RALGAPB: variants seen among roughly 807,000 people sequenced by gnomAD.
RALGAPB encodes the protein ral GTPase-activating protein subunit beta.
A neutral mutation model predicts 161.1 loss-of-function variants in RALGAPB; 25 were observed. The observed-to-expected ratio is 0.16, with a 90% CI of 0.11 to 0.22. RALGAPB has a LOEUF of 0.22. Among genes scored for constraint, RALGAPB ranks in the 10% least tolerant of loss-of-function variants. The pLI, the probability that RALGAPB is intolerant of heterozygous loss-of-function variation, is 1.00. For missense variants in RALGAPB, 1,391 were observed against 1,815.2 expected, an observed-to-expected ratio of 0.77 and a Z score of 4.25; for synonymous variants, 629 against 626.1, an observed-to-expected ratio of 1.00 and a Z score of -0.07.
chr20:38,528,020 G>C (rs1018742137), intron 13 of RALGAPB, among the ~76,000 whole-genome samples: 8 of 152,172 alleles, frequency 5.3e-5, no homozygotes, highest in Admixed American at 5.2e-4. Context: ...TTACTTCAGG[G>C]TATGCAGATG....
At chr20:38,514,529 C>G (rs113978090) in intron 6 of RALGAPB, among the ~76,000 whole-genome samples, 1 of 152,050 alleles carries the variant, frequency 6.6e-6, no homozygotes, top group Non-Finnish European at 1.5e-5. Context: ...AAATGAGCTG[C>G]GACTGGGTAG....
At chr20:38,520,599 T>C (rs2086262332) in intron 9 of RALGAPB, among the ~76,000 whole-genome samples, 1 of 151,314 alleles carries the variant, frequency 6.6e-6, no homozygotes, top group African/African-American at 2.4e-5. Flanking sequence ...GTATGCATTC[T>C]GCATGTAGTG....
chr20:38,542,256 G>A (rs1047820891), intron 18 of RALGAPB, among the ~76,000 whole-genome samples: 1 of 152,170 alleles, frequency 6.6e-6, no homozygotes, highest in Non-Finnish European at 1.5e-5. Flanking sequence ...AGGCAAAACC[G>A]CTTGAAAATT....
At chr20:38,507,788 C>G (rs1390449584) in intron 5 of RALGAPB, among the ~76,000 whole-genome samples, 1 of 151,932 alleles carries the variant, frequency 6.6e-6, no homozygotes, top group Non-Finnish European at 1.5e-5. Flanking sequence ...GCCTCGAACT[C>G]CTGACCTCAA....
chr20:38,537,835 G>T (rs2067554078), intron 16 of RALGAPB: 1 of 152,190 alleles, frequency 6.6e-6, no homozygotes. Context: ...TCACTCAGAA[G>T]CTTGCAGAAG....
chr20:38,513,372 C>T (rs958185685), intron 6 of RALGAPB, among the ~76,000 whole-genome samples: 1 of 151,144 alleles, frequency 6.6e-6, no homozygotes, highest in African/African-American at 2.4e-5. Context: ...GGTGTGGTGG[C>T]ACATGCCTGT....
At chr20:38,503,693 A>G (rs2085663871) in intron 5 of RALGAPB, among the ~76,000 whole-genome samples, 1 of 152,240 alleles carries the variant, frequency 6.6e-6, no homozygotes. Flanking sequence ...AGAGTTTGAG[A>G]GGATTGACTC....
At chr20:38,570,600 TGAGA>T (rs758934650) in intron 27 of RALGAPB, among the ~76,000 whole-genome samples, 165 bp from the exon 28 acceptor site, 7 of 152,180 alleles carry the variant, frequency 4.6e-5, no homozygotes, top group Non-Finnish European at 1.0e-4. Flanking sequence ...AAAAATGTCT[TGAGA>T]GAGAATTTTT....
rs558370281 is a variant in RALGAPB, at chr20:38,520,865, C to G, written c.1418-632C>G. 7.4e-4 allele frequency among the ~76,000 whole-genome samples: 113 copies of G among 152,222 alleles called. 1 individual carries two copies. Among genetic ancestry groups the G allele is most frequent in the African/African-American group, 2.6e-3 (107 of 41,524 alleles). ...GACCATGATAATCTTTTTTATCAAT[C>G]CAATTTTCTGATTTATCAGCCTCAA... is the stretch of plus-strand genomic sequence containing the variant. On this transcript the variant is annotated intron_variant, in intron 9 of 29. Coordinates refer to ENST00000262879, the MANE Select transcript of RALGAPB (RefSeq NM_020336.4).
chr20:38,496,830 G>A (rs1453599106), intron 3 of RALGAPB, among the ~76,000 whole-genome samples: 1 of 152,136 alleles, frequency 6.6e-6, no homozygotes, highest in Non-Finnish European at 1.5e-5. Context: ...TAATTTTGGG[G>A]ACCTATTAGG....
intron 16 of RALGAPB, chr20:38,537,786 A>T (rs1288253709): frequency 1.3e-5 from 2 of 152,182 alleles, no homozygotes; most frequent in Non-Finnish European, 2.9e-5. Flanking sequence ...AAGAAGAGGA[A>T]GTTTGATAGC....
At chr20:38,521,824 A>G (rs2086299424) in intron 10 of RALGAPB, 126 bp downstream of exon 10, 1 of 976,412 alleles carries the variant, frequency 1.0e-6, no homozygotes, top group Non-Finnish European at 1.5e-6. Flanking sequence ...AGTGATCGAC[A>G]TTTGCCTGAA....
chr20:38,535,239 A>T (rs116871127), intron 16 of RALGAPB, 32 bp downstream of exon 16: 652 of 1,611,714 alleles, frequency 4.0e-4, no homozygotes, highest in Non-Finnish European at 5.0e-4. Context: ...TTTTAACCCA[A>T]CAGCCTTGGG....
intron 5 of RALGAPB, among the ~76,000 whole-genome samples, chr20:38,500,254 T>C (rs578152248): frequency 3.4e-4 from 52 of 152,160 alleles, no homozygotes; most frequent in African/African-American, 1.2e-3. Context: ...TTTTTTTTTT[T>C]CCAAATTGAA....
At chr20:38,531,087 C>A in intron 13 of RALGAPB, 80 bp from the exon 14 acceptor site, 1 of 1,198,370 alleles carries the variant, frequency 8.3e-7, no homozygotes, top group Non-Finnish European at 1.2e-6. Context: ...CTTATCTGTA[C>A]TATTAATCAT....
intron 20 of RALGAPB, among the ~76,000 whole-genome samples, chr20:38,550,273 A>G (rs1000943811): frequency 6.6e-6 from 1 of 152,230 alleles, no homozygotes; most frequent in African/African-American, 2.4e-5. Flanking sequence ...ATGCACATGT[A>G]CCCTAAAACT....
intron 19 of RALGAPB, 98 bp downstream of exon 19, chr20:38,546,528 C>G (rs1359277031): frequency 6.7e-7 from 1 of 1,498,442 alleles, no homozygotes; most frequent in East Asian, 2.3e-5. Context: ...CCTACAGATT[C>G]TAAGTAGGTC....
intron 3 of RALGAPB, 85 bp downstream of exon 3, chr20:38,493,217 A>C: frequency 9.0e-7 from 1 of 1,107,508 alleles, no homozygotes. Flanking sequence ...AGCTGATTTC[A>C]TTGTTAGTCC....
chr20:38,506,458 T>A (rs2085766199), intron 5 of RALGAPB, among the ~76,000 whole-genome samples: 1 of 152,150 alleles, frequency 6.6e-6, no homozygotes, highest in Admixed American at 6.5e-5. Flanking sequence ...CATGCTTGGC[T>A]AATTTTTATA....
Sources: allele counts gnomAD v4.1 joint callset (sites outside exome capture counted in the v4.1 genomes callset), GRCh38; gene constraint gnomAD v4.1.1; transcripts MANE v1.5; gene names NCBI Gene and HGNC (gene_info 2026-07-23, HGNC 2026-07-21).